DLG2: variants seen among roughly 807,000 people sequenced by gnomAD.
The protein encoded by DLG2 is discs large MAGUK scaffold protein 2, also known as disks large homolog 2.
Under a neutral mutation model 132.5 loss-of-function variants are expected in DLG2, and 45 were observed. The ratio of observed to expected loss-of-function variants is 0.34; its 90% CI spans 0.27 to 0.44. DLG2 has a LOEUF of 0.44. DLG2 is among the 20% of genes least tolerant of loss of function. The pLI is 1.00. For synonymous variants in DLG2, 424 were observed against 419.6 expected (o/e 1.01, Z -0.13); for missense variants, 1,045 against 1,196.9 (o/e 0.87, Z 1.87).
At chr11:84,664,184 A>G (rs114427674) in intron 6 of DLG2, among the ~76,000 whole-genome samples, 315 of 152,324 alleles carry the variant, frequency 2.1e-3, no homozygotes, top group African/African-American at 6.9e-3. Flanking sequence ...AAAAATAATC[A>G]TAATTCAATG....
At chr11:84,468,425 T>C (rs36061959) in intron 7 of DLG2, among the ~76,000 whole-genome samples, 36,457 of 151,160 alleles carry the variant, frequency 0.24, 4,561 homozygotes, top group South Asian at 0.37. Flanking sequence ...GAAACAACAG[T>C]AATCCTCCCT....
At chr11:84,332,265 G>T (rs1182348825) in intron 7 of DLG2, among the ~76,000 whole-genome samples, 1 of 145,648 alleles carries the variant, frequency 6.9e-6, no homozygotes, top group African/African-American at 2.6e-5. Flanking sequence ...AGGCTGGAAT[G>T]CAGTGGCGCG....
At chr11:84,173,057 A>G (rs914456807) in intron 8 of DLG2, among the ~76,000 whole-genome samples, 1 of 152,184 alleles carries the variant, frequency 6.6e-6, no homozygotes, top group Non-Finnish European at 1.5e-5. Flanking sequence ...AATTAAGAAA[A>G]ATAGCTTAGG....
At chr11:84,580,076 C>T (rs2099512823) in intron 6 of DLG2, among the ~76,000 whole-genome samples, 1 of 152,072 alleles carries the variant, frequency 6.6e-6, no homozygotes, top group African/African-American at 2.4e-5. Flanking sequence ...TGGCAGACTT[C>T]TAGAAATCAG....
chr11:83,790,003 T>G lies in DLG2; in HGVS notation c.1723-3211A>C, dbSNP rs888085108. On this transcript the variant is annotated intron_variant, in intron 17 of 27. Transcript: ENST00000376104. ...GCTTCTCCTGTAAATAATCCTTCAT[T>G]TTGTTTGGCAAAGGCAGTTTCTGAA... The G allele has an allele frequency of 4.4e-6, 6 of 1,371,612 alleles. No homozygotes were observed. In the African/African-American group the frequency reaches 8.9e-5, roughly 20 times the overall value. 85.0% of individuals were successfully genotyped at this position (1,371,612 alleles called of 1,614,324 possible).
intron 8 of DLG2, among the ~76,000 whole-genome samples, chr11:84,180,528 C>G (rs549963179): frequency 1.9e-4 from 29 of 152,058 alleles, no homozygotes; most frequent in Admixed American, 7.2e-4. Flanking sequence ...ATCCAGGAAC[C>G]TCAGAGAACA....
At chr11:85,589,529 G>A (rs533189410) in intron 3 of DLG2, among the ~76,000 whole-genome samples, 2 of 152,236 alleles carry the variant, frequency 1.3e-5, no homozygotes, top group South Asian at 2.1e-4. Context: ...CCCTTGGGTG[G>A]GGCTTGCTGC....
intron 8 of DLG2, among the ~76,000 whole-genome samples, chr11:84,231,921 T>TA (rs1567006329): frequency 6.6e-6 from 1 of 151,918 alleles, no homozygotes. Context: ...GCAAACATAC[T>TA]ATGTAAGGAT....
intron 6 of DLG2, among the ~76,000 whole-genome samples, chr11:84,608,307 CTTTG>C (rs549762135): frequency 9.2e-5 from 14 of 152,082 alleles, no homozygotes; most frequent in Non-Finnish European, 1.8e-4. Context: ...CCTATTTCTT[CTTTG>C]TTTGTGTGTT....
Position 83,787,340 on chromosome 11 carries a change from T to TTTTTTTTTG in DLG2, c.1723-549_1723-548insCAAAAAAAA, listed in dbSNP as rs66699053. On this transcript the variant is annotated intron_variant, in intron 17 of 27. Transcript: ENST00000376104. ...TTTTTTTTGTTTTTTTTTTTTTTTT[T>TTTTTTTTTG]AGACAGAGTCTCGCTCTTTCGCCCA... 6.4e-3 allele frequency among the ~76,000 whole-genome samples: 661 copies of TTTTTTTTTG among 102,646 alleles called. 167 individuals carry two copies. Among genetic ancestry groups the TTTTTTTTTG allele is most frequent in the East Asian group, 8.3e-3 (28 of 3,380 alleles). The allele number at this position is 102,646 out of a possible 152,430, so 67.3% of individuals were successfully genotyped here.
chr11:85,394,053 T>A (rs2087053875), intron 3 of DLG2, among the ~76,000 whole-genome samples: 1 of 152,170 alleles, frequency 6.6e-6, no homozygotes, highest in Non-Finnish European at 1.5e-5. Flanking sequence ...CAAAAAAACC[T>A]ATTGAAATAT....
Position 84,037,633 on chromosome 11 carries a change from CCT to C in DLG2, c.919+21680_919+21681del, listed in dbSNP as rs368831639. 4.1e-3 allele frequency among the ~76,000 whole-genome samples: 626 copies of C among 152,038 alleles called. 6 individuals are homozygous for C. The highest frequency in any genetic ancestry group is 0.014 in the African/African-American group (589 of 41,496). On this transcript the variant is annotated intron_variant, in intron 11 of 27. Transcript: ENST00000376104. ...AAAAGTCTTCATCATTTATGTACTC[CCT>C]GTCTTTAGCACATTTCCTGGCTTAT...
intron 5 of DLG2, among the ~76,000 whole-genome samples, chr11:85,115,501 T>C (rs1036334046): frequency 2.0e-5 from 3 of 151,950 alleles, no homozygotes; most frequent in African/African-American, 7.2e-5. Context: ...ATTACTGATA[T>C]GGGATAAATA....
At chr11:84,744,093 G>T (rs2065045756) in intron 6 of DLG2, among the ~76,000 whole-genome samples, 1 of 152,074 alleles carries the variant, frequency 6.6e-6, no homozygotes, top group African/African-American at 2.4e-5. Context: ...CAGGTTGGTT[G>T]GGTAGATTTT....
At chr11:84,289,802 T>C (rs1248405441) in intron 7 of DLG2, among the ~76,000 whole-genome samples, 2 of 152,182 alleles carry the variant, frequency 1.3e-5, no homozygotes, top group African/African-American at 4.8e-5. Context: ...GCAGATTGCT[T>C]TGACTATCTC....
At chr11:85,269,180 T>C (rs1382294445) in intron 4 of DLG2, among the ~76,000 whole-genome samples, 1 of 152,210 alleles carries the variant, frequency 6.6e-6, no homozygotes, top group Non-Finnish European at 1.5e-5. Context: ...TTACTCAGCC[T>C]CCTGATTTTC....
At chr11:85,303,792 T>G (rs78234596) in intron 3 of DLG2, among the ~76,000 whole-genome samples, 5,343 of 152,286 alleles carry the variant, frequency 0.035, 141 homozygotes, top group Admixed American at 0.049. Flanking sequence ...TTCCCTCATT[T>G]GAAAGAAATG....
chr11:83,831,303 C>T (rs1034351304), intron 17 of DLG2, among the ~76,000 whole-genome samples: 5 of 152,208 alleles, frequency 3.3e-5, no homozygotes, highest in African/African-American at 1.2e-4. Context: ...TGATGCTCAG[C>T]TCTTGGATGG....
intron 6 of DLG2, among the ~76,000 whole-genome samples, chr11:84,956,445 T>C (rs1198084465): frequency 1.3e-5 from 2 of 152,188 alleles, no homozygotes; most frequent in Admixed American, 6.5e-5. Context: ...TTGAACCAGG[T>C]CATATTTGAG....
Sources: gnomAD v4.1 joint callset for allele counts (sites outside exome capture counted in the v4.1 genomes callset) on GRCh38, gnomAD v4.1.1 for gene constraint, MANE v1.5 for transcripts, NCBI Gene and HGNC (gene_info 2026-07-23, HGNC 2026-07-21) for gene names.